The following CNTNAP2 variants were observed in gnomAD, a reference collection of about 807,000 sequenced individuals.
CNTNAP2 encodes the protein contactin associated protein 2, also known as contactin-associated protein-like 2.
CNTNAP2 carries 98 observed loss-of-function variants against 155.2 expected under a neutral mutation model. That is an observed-to-expected ratio of 0.63 (90% CI 0.54 to 0.75). The LOEUF (loss-of-function observed/expected upper bound fraction) is 0.75, where lower values mean the gene tolerates loss of function less well. CNTNAP2 is among the 30% of genes least tolerant of loss of function. CNTNAP2 has a pLI of 0.00. For synonymous variants in CNTNAP2, 651 were observed against 631.2 expected, an observed-to-expected ratio of 1.03 and a Z score of -0.47; for missense variants, 1,727 against 1,688.1, an observed-to-expected ratio of 1.02 and a Z score of -0.40.
At chr7:146,667,491 T>G (rs1800217558) in intron 1 of CNTNAP2, among the ~76,000 whole-genome samples, 2 of 152,004 alleles carry the variant, frequency 1.3e-5, no homozygotes, top group Admixed American at 6.6e-5. Context: ...TTTTAGGATT[T>G]TTTTTCTATT....
intron 8 of CNTNAP2, among the ~76,000 whole-genome samples, chr7:147,288,957 AATG>A (rs1266392655): frequency 5.8e-4 from 89 of 152,320 alleles, no homozygotes; most frequent in African/African-American, 2.1e-3. Context: ...ACAAAATAAT[AATG>A]ATAAAAGCTG....
intron 1 of CNTNAP2, among the ~76,000 whole-genome samples, chr7:146,258,336 C>T (rs1335927499): frequency 6.6e-6 from 1 of 152,146 alleles, no homozygotes; most frequent in Non-Finnish European, 1.5e-5. Context: ...CTAAGCCTCA[C>T]AGCACATATT....
intron 1 of CNTNAP2, among the ~76,000 whole-genome samples, chr7:146,404,133 A>AAAAAAC (rs1554429086): frequency 6.7e-6 from 1 of 150,022 alleles, no homozygotes; most frequent in Non-Finnish European, 1.5e-5. Context: ...TCAAAAAAAA[A>AAAAAAC]AAAAAAAAAC....
intron 1 of CNTNAP2, among the ~76,000 whole-genome samples, chr7:146,426,212 T>TAAAAAAAAAAAAAAAAAAAAA (rs1554431713): frequency 5.3e-5 from 6 of 113,242 alleles, no homozygotes; most frequent in African/African-American, 1.9e-4. Context: ...AAAAAAAAAT[T>TAAAAAAAAAAAAAAAAAAAAA]AAAACTTAAG....
At chr7:148,096,922 G>C (rs1198296391) in intron 15 of CNTNAP2, among the ~76,000 whole-genome samples, 1 of 152,254 alleles carries the variant, frequency 6.6e-6, no homozygotes, top group South Asian at 2.1e-4. Flanking sequence ...TGAGTCTGAG[G>C]AGAAGGGTTG....
intron 8 of CNTNAP2, among the ~76,000 whole-genome samples, chr7:147,152,799 C>A (rs548390349): frequency 2.4e-4 from 37 of 152,030 alleles, no homozygotes; most frequent in Non-Finnish European, 5.3e-4. Context: ...TAAAAGAAAT[C>A]TTACAGATCA....
intron 1 of CNTNAP2, among the ~76,000 whole-genome samples, chr7:146,741,638 G>A (rs1296326660): frequency 3.3e-5 from 5 of 152,108 alleles, no homozygotes; most frequent in Non-Finnish European, 5.9e-5. Context: ...TTTTCGATGG[G>A]AAAATATTAT....
chr7:146,449,577 A>G (rs1191541961), intron 1 of CNTNAP2, among the ~76,000 whole-genome samples: 2 of 152,154 alleles, frequency 1.3e-5, no homozygotes, highest in Non-Finnish European at 2.9e-5. Context: ...GAATAGAGAA[A>G]TTATGTGTAC....
chr7:147,952,921 T>C (rs1024704219), intron 14 of CNTNAP2, among the ~76,000 whole-genome samples: 1 of 152,208 alleles, frequency 6.6e-6, no homozygotes, highest in Admixed American at 6.5e-5. Context: ...CCTTAGGGAA[T>C]AGCTAGTCTA....
chr7:146,403,257 G>A (rs1795740360), intron 1 of CNTNAP2, among the ~76,000 whole-genome samples: 1 of 152,064 alleles, frequency 6.6e-6, no homozygotes, highest in Non-Finnish European at 1.5e-5. Flanking sequence ...TGACTTGGGT[G>A]ATAATCCAGT....
intron 1 of CNTNAP2, among the ~76,000 whole-genome samples, chr7:146,769,485 G>A (rs548950160): frequency 1.3e-5 from 2 of 152,218 alleles, no homozygotes; most frequent in South Asian, 4.1e-4. Flanking sequence ...TAGTCAGTAT[G>A]GCAATATGTG....
At chr7:147,221,796 T>A (rs1803407065) in intron 8 of CNTNAP2, among the ~76,000 whole-genome samples, 1 of 152,206 alleles carries the variant, frequency 6.6e-6, no homozygotes, top group Non-Finnish European at 1.5e-5. Context: ...TTAATTTTTT[T>A]CTTTGGCCAG....
At chr7:148,057,069 C>T (rs751692254) in intron 15 of CNTNAP2, among the ~76,000 whole-genome samples, 8 of 152,158 alleles carry the variant, frequency 5.3e-5, no homozygotes, top group Non-Finnish European at 8.8e-5. Flanking sequence ...TGTGCCCACC[C>T]TCTTATTGCA....
At chr7:147,965,486 A>G (rs1801193477) in intron 14 of CNTNAP2, among the ~76,000 whole-genome samples, 2 of 151,680 alleles carry the variant, frequency 1.3e-5, no homozygotes, top group Non-Finnish European at 2.9e-5. Context: ...TCTTCATGAC[A>G]TTACTAGATC....
chr7:147,333,690 G>C (rs1367358521), intron 9 of CNTNAP2, among the ~76,000 whole-genome samples: 3 of 152,022 alleles, frequency 2.0e-5, no homozygotes, highest in African/African-American at 7.3e-5. Flanking sequence ...AAAACAATTG[G>C]TTAATAGATT....
At chr7:146,665,247 C>T (rs1028930047) in intron 1 of CNTNAP2, among the ~76,000 whole-genome samples, 2 of 152,174 alleles carry the variant, frequency 1.3e-5, no homozygotes, top group East Asian at 1.9e-4. Flanking sequence ...CCGCGCCCGG[C>T]GTCTTGCTAT....
At chr7:147,102,150 C>G (rs1333169949) in intron 4 of CNTNAP2, among the ~76,000 whole-genome samples, 1 of 151,718 alleles carries the variant, frequency 6.6e-6, no homozygotes, top group African/African-American at 2.4e-5. Context: ...AGTGAAATAT[C>G]AAATTGAAAT....
chr7:147,745,562 A>G (rs1797024267), intron 13 of CNTNAP2, among the ~76,000 whole-genome samples: 1 of 152,192 alleles, frequency 6.6e-6, no homozygotes, highest in Non-Finnish European at 1.5e-5. Context: ...CTTTATTCCA[A>G]TTACACGATG....
intron 13 of CNTNAP2, among the ~76,000 whole-genome samples, chr7:147,848,317 C>T (rs932686526): frequency 4.7e-5 from 7 of 150,002 alleles, no homozygotes; most frequent in African/African-American, 1.7e-4. Flanking sequence ...TTTCTTAAGC[C>T]GGTCTGAAAA....
Sources: allele counts gnomAD v4.1 joint callset (sites outside exome capture counted in the v4.1 genomes callset), GRCh38; gene constraint gnomAD v4.1.1; transcripts MANE v1.5; gene names NCBI Gene and HGNC (gene_info 2026-07-23, HGNC 2026-07-21).